RGS6: variants seen among roughly 807,000 people sequenced by gnomAD.
The protein encoded by RGS6 is regulator of G protein signaling 6.
Under a neutral mutation model 78.5 loss-of-function variants are expected in RGS6, and 30 were observed. That is an observed-to-expected ratio of 0.38 (90% CI 0.29 to 0.52). The LOEUF (loss-of-function observed/expected upper bound fraction) is 0.52. RGS6 is among the 20% of genes least tolerant of loss of function. RGS6 has a pLI of 0.85. For synonymous variants in RGS6, 206 were observed against 206.0 expected (o/e 1.00, Z 0.00); for missense variants, 495 against 609.7 (o/e 0.81, Z 1.98).
At chr14:72,619,574 A>G in the RGS6 span, among the ~76,000 whole-genome samples, 2 of 152,138 alleles carry the variant, frequency 1.3e-5, no homozygotes, top group African/African-American at 4.8e-5. Flanking sequence ...CAAGACCCTC[A>G]CTACTAGCGT....
chr14:72,541,497 G>A, intron 17 of RGS6: 5 of 1,535,712 alleles, frequency 3.3e-6, no homozygotes, highest in Non-Finnish European at 4.4e-6. Context: ...GCCTGCGGGT[G>A]CCTGGTCTAT....
intron 3 of RGS6, among the ~76,000 whole-genome samples, chr14:72,373,835 A>C (rs899753298): frequency 6.6e-6 from 1 of 151,870 alleles, no homozygotes; most frequent in Admixed American, 6.6e-5. Flanking sequence ...TTTTTCCCCC[A>C]CTCAGTAAAG....
chr14:72,053,458 G>A (rs796813992), intron 2 of RGS6, among the ~76,000 whole-genome samples: 3 of 151,954 alleles, frequency 2.0e-5, no homozygotes, highest in Non-Finnish European at 4.4e-5. Flanking sequence ...GGGGTCTCTT[G>A]CATCAGAATG....
At chr14:72,460,072 G>A (rs751745659) in intron 6 of RGS6, among the ~76,000 whole-genome samples, 2 of 152,158 alleles carry the variant, frequency 1.3e-5, no homozygotes, top group East Asian at 1.9e-4. Flanking sequence ...GGCCCTTTCT[G>A]TTCTCATAGA....
chr14:72,574,574 A>G, the RGS6 span, among the ~76,000 whole-genome samples: 11 of 152,334 alleles, frequency 7.2e-5, no homozygotes, highest in African/African-American at 2.6e-4. Flanking sequence ...GTGTTATGCC[A>G]CCTACTAAGC....
chr14:72,202,155 C>G lies in RGS6; in HGVS notation c.85-149940C>G, dbSNP rs1405320919. Among the ~76,000 whole-genome samples, 3 of 152,168 alleles carry G rather than the reference C, an allele frequency of 2.0e-5. No individual in the cohort carries two copies. The East Asian group carries it at 5.8e-4, about 29-fold the overall frequency. ...TGACCCTCACGTACTTAAAATATCT[C>G]TTGTTTTGGTGTTTGTGTACACAAA... is the stretch of plus-strand genomic sequence containing the variant. On this transcript the variant is annotated intron_variant, in intron 2 of 17. Transcript: ENST00000553525.
chr14:72,426,705 T>C (rs896909769), intron 3 of RGS6, among the ~76,000 whole-genome samples: 3 of 152,240 alleles, frequency 2.0e-5, no homozygotes, highest in African/African-American at 4.8e-5. Flanking sequence ...CCTAAAGTTT[T>C]ATGATTTGAT....
intron 3 of RGS6, among the ~76,000 whole-genome samples, chr14:72,442,234 T>G (rs146536598): frequency 6.6e-6 from 1 of 152,216 alleles, no homozygotes; most frequent in African/African-American, 2.4e-5. Context: ...TCTTTTCCAT[T>G]TCATAGGGAC....
chr14:72,383,907 T>C (rs763252685), intron 3 of RGS6, among the ~76,000 whole-genome samples: 1 of 152,240 alleles, frequency 6.6e-6, no homozygotes, highest in Non-Finnish European at 1.5e-5. Flanking sequence ...CATGAAAATA[T>C]TCCTCCCCTA....
At chr14:72,455,937 T>C (rs1246320087) in intron 4 of RGS6, among the ~76,000 whole-genome samples, 1 of 152,234 alleles carries the variant, frequency 6.6e-6, no homozygotes, top group Admixed American at 6.5e-5. Flanking sequence ...AAATAATCGT[T>C]GTATTTCTGA....
intron 2 of RGS6, among the ~76,000 whole-genome samples, chr14:72,087,635 T>C (rs1043035414): frequency 1.2e-4 from 19 of 152,212 alleles, no homozygotes; most frequent in Admixed American, 3.9e-4. Flanking sequence ...TACTTTTTTT[T>C]TTTTTAAGGA....
intron 3 of RGS6, among the ~76,000 whole-genome samples, chr14:72,414,287 C>T (rs2093643858): frequency 6.6e-6 from 1 of 152,152 alleles, no homozygotes; most frequent in Non-Finnish European, 1.5e-5. Flanking sequence ...TTTCTCTAAA[C>T]TTCTCTTCTC....
At chr14:72,570,361 A>G (rs1035958678), downstream of RGS6, among the ~76,000 whole-genome samples, 14 of 152,166 alleles carry the variant, frequency 9.2e-5, no homozygotes, top group Non-Finnish European at 1.5e-4. Flanking sequence ...CCAACCCCCT[A>G]ATGAATATTG....
chr14:71,918,184 C>CAAA, the RGS6 span, among the ~76,000 whole-genome samples: 15 of 33,692 alleles, frequency 4.5e-4, 6 homozygotes, highest in Admixed American at 1.0e-3. Flanking sequence ...ACTCCAGTCT[C>CAAA]AAAAAAAAAA....
intron 2 of RGS6, among the ~76,000 whole-genome samples, chr14:72,047,135 T>C (rs2092911616): frequency 6.6e-6 from 1 of 152,208 alleles, no homozygotes; most frequent in Admixed American, 6.5e-5. Flanking sequence ...TAATGCACAC[T>C]GAGCACGGTG....
intron 2 of RGS6, among the ~76,000 whole-genome samples, chr14:72,101,487 C>T (rs1014203576): frequency 5.3e-5 from 8 of 152,180 alleles, no homozygotes; most frequent in Non-Finnish European, 1.2e-4. Flanking sequence ...GAGAATACTG[C>T]GCTCTAGTAA....
chr14:72,368,710 T>C (rs180732542), intron 3 of RGS6, among the ~76,000 whole-genome samples: 97 of 152,342 alleles, frequency 6.4e-4, no homozygotes, highest in Non-Finnish European at 1.1e-3. Context: ...CCAAAGTTAA[T>C]CAGTATTCTT....
intron 2 of RGS6, among the ~76,000 whole-genome samples, chr14:72,033,466 C>T (rs2153348945): frequency 6.6e-6 from 1 of 152,192 alleles, no homozygotes; most frequent in Non-Finnish European, 1.5e-5. Flanking sequence ...AACTCCTGGG[C>T]TCAAGTGGTC....
At chr14:72,251,718 G>A (rs898472177) in intron 2 of RGS6, among the ~76,000 whole-genome samples, 2 of 152,172 alleles carry the variant, frequency 1.3e-5, no homozygotes, top group African/African-American at 2.4e-5. Context: ...AGGGGAGGAT[G>A]GAAAGGGGAG....
Sources: allele counts gnomAD v4.1 joint callset (sites outside exome capture counted in the v4.1 genomes callset), GRCh38; gene constraint gnomAD v4.1.1; transcripts MANE v1.5; gene names NCBI Gene and HGNC (gene_info 2026-07-23, HGNC 2026-07-21).